Variants in CGAS observed in about 807,000 individuals in gnomAD.
The protein encoded by CGAS is 2'3'-cGAMP synthase.
Under a neutral mutation model 34.0 loss-of-function variants are expected in CGAS, and 31 were observed. That is an observed-to-expected ratio of 0.91 (90% CI 0.69 to 1.23). CGAS has a LOEUF of 1.23. Among genes scored for constraint, CGAS ranks in the 50% most tolerant of loss-of-function variants. CGAS has a pLI of 0.00. For synonymous variants in CGAS, 266 were observed against 260.0 expected (o/e 1.02, Z -0.22); for missense variants, 597 against 657.6 (o/e 0.91, Z 1.01).
chr6:73,437,905 T>C (rs1474463001), intron 3 of CGAS, among the ~76,000 whole-genome samples: 1 of 151,892 alleles, frequency 6.6e-6, no homozygotes, highest in Non-Finnish European at 1.5e-5. Context: ...CAGTCTCTAC[T>C]AAAAATACAA....
intron 3 of CGAS, among the ~76,000 whole-genome samples, chr6:73,438,493 G>A (rs181234449): frequency 2.4e-4 from 36 of 152,052 alleles, no homozygotes; most frequent in Non-Finnish European, 4.9e-4. Context: ...GTCAAGAGAT[G>A]GAGACCATCC....
intron 1 of CGAS, among the ~76,000 whole-genome samples, chr6:73,446,179 A>C (rs866839911): frequency 5.9e-5 from 9 of 151,952 alleles, no homozygotes; most frequent in Non-Finnish European, 1.2e-4. Flanking sequence ...AAAATACAAA[A>C]ATTAGCCGGG....
rs1770055853 is a variant in CGAS, at chr6:73,424,672, A to C, written c.*555T>G. The C allele has an allele frequency of 6.6e-6, 1 of 152,104 alleles. No homozygotes were observed. Among genetic ancestry groups the C allele is most frequent in the Admixed American group, 6.6e-5 (1 of 15,260 alleles). The allele number at this position is 152,104 out of a possible 1,614,324, so 9.4% of individuals were successfully genotyped here. ...ACTAATCTTTTTCCTAGGATAGTCA[A>C]TCCTTTATACTGATTAGAGTTTATT... On this transcript the variant is annotated 3_prime_UTR_variant, in exon 5 of 5. Transcript: ENST00000370315.
At chr6:73,435,662 G>A (rs947732591) in intron 3 of CGAS, among the ~76,000 whole-genome samples, 20 of 151,610 alleles carry the variant, frequency 1.3e-4, no homozygotes, top group African/African-American at 4.8e-4. Flanking sequence ...ATATGTCCTG[G>A]CCATGATGGC....
chr6:73,452,006 G>T lies in CGAS; in HGVS notation c.176C>A (p.Ser59Tyr), dbSNP rs1452688603. Residue 59 changes from serine to tyrosine, a missense_variant, in exon 1 of 5, where the codon TCC becomes TAC. Coordinates refer to ENST00000370315, the MANE Select transcript of CGAS (RefSeq NM_138441.3). ...GKFGPARKSG[S>Y]RQKKSAPDTQ... ...GTCCGGGGCGCTCTTTTTCTGCCGGGATCCCGACTTCCTGGCGGGGCCGAA... is the reference window on the plus strand; with the variant it reads ...GTCCGGGGCGCTCTTTTTCTGCCGGTATCCCGACTTCCTGGCGGGGCCGAA... 1 of 1,479,622 alleles carries T rather than the reference G, an allele frequency of 6.8e-7. No homozygotes were observed. Among genetic ancestry groups the T allele is most frequent in the Non-Finnish European group, 9.0e-7 (1 of 1,113,138 alleles). 91.7% of individuals were successfully genotyped at this position (1,479,622 alleles called of 1,614,324 possible). A position where few individuals can be genotyped will look rare whatever the true frequency, so the allele number is the denominator to read the frequency against.
intron 1 of CGAS, 107 bp downstream of exon 1, chr6:73,451,417 TA>T: frequency 8.0e-7 from 1 of 1,246,534 alleles, no homozygotes; most frequent in Non-Finnish European, 1.1e-6. Context: ...TGCAAAAGTC[TA>T]AGTTACTTCC....
chr6:73,432,289 G>C (rs1018194528), intron 3 of CGAS, among the ~76,000 whole-genome samples: 1 of 151,822 alleles, frequency 6.6e-6, no homozygotes, highest in Non-Finnish European at 1.5e-5. Flanking sequence ...AGCCTCCTGA[G>C]TAGCTGGGAT....
chr6:73,441,891 C>A (rs1400193918), intron 2 of CGAS, among the ~76,000 whole-genome samples: 1 of 151,926 alleles, frequency 6.6e-6, no homozygotes, highest in Non-Finnish European at 1.5e-5. Context: ...TTTTTTGAGA[C>A]AAAGTCTTGC....
At chr6:73,435,226 A>T (rs567207334) in intron 3 of CGAS, among the ~76,000 whole-genome samples, 12 of 152,214 alleles carry the variant, frequency 7.9e-5, no homozygotes, top group African/African-American at 2.9e-4. Context: ...TATCTTCACA[A>T]TTTTTCTGTA....
chr6:73,451,888 G>T lies in CGAS; in HGVS notation c.294C>A (p.Ser98Arg). ...GCTCCAGCCCCTCTGCCCCAGGGGC[G>T]CTGGTGGCGTCAGACGGCTGCGTGT... is the stretch of plus-strand genomic sequence containing the variant. ...AQDTQPSDAT[S>R]APGAEGLEPP... The change falls in exon 1 of 5, where the codon AGC (serine) becomes AGA (arginine). Residue 98 changes from serine (S) to arginine (R), a missense_variant. By Grantham distance (110) the Ser-to-Arg change is moderately radical. This residue lies in a region of CGAS where 321 missense variants were observed against 314.3 expected (regional missense o/e 1.02). Transcript: ENST00000370315. 1 of 1,537,450 alleles carries T rather than the reference G, an allele frequency of 6.5e-7. No homozygotes were observed.
intron 1 of CGAS, among the ~76,000 whole-genome samples, chr6:73,448,690 T>G (rs1016917167): frequency 6.6e-6 from 1 of 152,312 alleles, no homozygotes; most frequent in East Asian, 1.9e-4. Context: ...GGTCTCACTA[T>G]GTTGTCCAGG....
chr6:73,430,342 T>C (rs1770173798), intron 3 of CGAS, among the ~76,000 whole-genome samples: 1 of 152,048 alleles, frequency 6.6e-6, no homozygotes. Flanking sequence ...TACAAAAGAA[T>C]CTACAATGCT....
rs539927816 is a variant in CGAS, at chr6:73,452,014, C to A, written c.168G>T (p.Lys56Asn). The change falls in exon 1 of 5, where the codon AAG (lysine) becomes AAT (asparagine). Residue 56 changes from lysine to asparagine, a missense_variant. Physicochemically the swap from Lys to Asn is moderately conservative, Grantham distance 94 (BLOSUM62 0). Around this residue, in one of 3 missense-constraint regions of CGAS, gnomAD observed 321 missense variants for 314.3 expected, o/e 1.02. Coordinates refer to ENST00000370315, the MANE Select transcript of CGAS (RefSeq NM_138441.3). ...PKAGKFGPAR[K>N]SGSRQKKSAP... ...CGCTCTTTTTCTGCCGGGATCCCGACTTCCTGGCGGGGCCGAACTTTCCCG... is the reference window on the plus strand; with the variant it reads ...CGCTCTTTTTCTGCCGGGATCCCGAATTCCTGGCGGGGCCGAACTTTCCCG... 6 of 1,482,696 alleles carry A rather than the reference C, an allele frequency of 4.0e-6. No homozygotes were observed. Among genetic ancestry groups the A allele is most frequent in the Middle Eastern group, 3.7e-4 (2 of 5,408 alleles). 91.8% of individuals were successfully genotyped at this position (1,482,696 alleles called of 1,614,324 possible).
chr6:73,450,313 G>T (rs1052443519), intron 1 of CGAS, among the ~76,000 whole-genome samples: 1 of 151,792 alleles, frequency 6.6e-6, no homozygotes, highest in African/African-American at 2.4e-5. Context: ...TACTCAGGAG[G>T]CTGAGACAGG....
intron 4 of CGAS, among the ~76,000 whole-genome samples, chr6:73,425,922 C>T (rs1770078431): frequency 6.6e-6 from 1 of 151,958 alleles, no homozygotes; most frequent in South Asian, 2.1e-4. Flanking sequence ...TGCAGTGAGC[C>T]AAGATCGCGT....
chr6:73,443,992 AT>A (rs1350574186), intron 2 of CGAS, among the ~76,000 whole-genome samples: 1 of 151,974 alleles, frequency 6.6e-6, no homozygotes, highest in Non-Finnish European at 1.5e-5. Flanking sequence ...AGGACTTTAG[AT>A]TTCATTTTAT....
chr6:73,434,023 C>T (rs1220812131), intron 3 of CGAS, among the ~76,000 whole-genome samples: 3 of 152,062 alleles, frequency 2.0e-5, no homozygotes, highest in Non-Finnish European at 4.4e-5. Context: ...TCTCAGACAC[C>T]CTTGGAGAAA....
At chr6:73,439,688 AAGAG>A (rs887299563) in intron 3 of CGAS, 1 of 153,044 alleles carries the variant, frequency 6.5e-6, no homozygotes, top group Admixed American at 6.5e-5. Flanking sequence ...AGATGAAGGA[AAGAG>A]AGAACCAGGG....
At chr6:73,433,948 A>T (rs972209303) in intron 3 of CGAS, among the ~76,000 whole-genome samples, 4 of 152,234 alleles carry the variant, frequency 2.6e-5, no homozygotes, top group African/African-American at 9.6e-5. Flanking sequence ...AATTCCAAAA[A>T]GTATTTTGTG....
Sources: gnomAD v4.1 joint callset for allele counts (sites outside exome capture counted in the v4.1 genomes callset) on GRCh38, gnomAD v4.1.1 for gene constraint, gnomAD v4.1.1 regional missense constraint, MANE v1.5 for transcripts, NCBI Gene and HGNC (gene_info 2026-07-23, HGNC 2026-07-21) for gene names.